Variants in EPHX3 observed in about 807,000 individuals in gnomAD.
EPHX3 encodes epoxide hydrolase 3.
A neutral mutation model predicts 40.2 loss-of-function variants in EPHX3; 39 were observed. The observed-to-expected ratio is 0.97, with a 90% CI of 0.75 to 1.27. EPHX3 has a LOEUF of 1.27. Among genes scored for constraint, EPHX3 ranks in the 50% most tolerant of loss-of-function variants. EPHX3 has a pLI of 0.00. For missense variants in EPHX3, 442 were observed against 474.0 expected (o/e 0.93, Z 0.63); for synonymous variants, 213 against 209.7 (o/e 1.02, Z -0.14).
Position 15,230,998 on chromosome 19 carries a change from C to G in EPHX3, c.580G>C (p.Val194Leu), listed in dbSNP as rs376715204. The G allele has an allele frequency of 2.5e-6, 4 of 1,613,970 alleles. No homozygotes were observed. The highest frequency in any genetic ancestry group is 3.4e-6 in the Non-Finnish European group (4 of 1,180,038). Residue 194 changes from valine to leucine, a missense_variant, in exon 4 of 7, where the codon GTT (valine) becomes CTT (leucine). Physicochemically the swap from Val to Leu is conservative, Grantham distance 32. Transcript: ENST00000221730. The stretch of plus-strand genomic sequence containing the variant: ...GACATGGGGGCACCACTGACCACAA[C>G]CATCCGCTCGACCAGGGATGGGTAG... ...IYYPSLVERM[V>L]VVSGAPMSVY...
At position 15,227,230 on chromosome 19, in the gene EPHX3, C is replaced by A; in HGVS notation, c.*207G>T. 1.7e-6 allele frequency: 1 copy of A among 587,312 alleles called. No homozygotes were observed. The highest frequency in any genetic ancestry group is 3.0e-6 in the Non-Finnish European group (1 of 328,834). 36.4% of individuals were successfully genotyped at this position (587,312 alleles called of 1,614,324 possible). ...TCAAAGTGTTTGTTACACACACATG[C>A]ATCCATGCCTGTGTGTGAGTATAGG... On this transcript the variant is annotated 3_prime_UTR_variant, in exon 7 of 7. Coordinates refer to ENST00000221730, the MANE Select transcript of EPHX3 (RefSeq NM_024794.3).
chr19:15,234,904 T>C (rs1452207881), upstream of EPHX3, among the ~76,000 whole-genome samples: 1 of 152,240 alleles, frequency 6.6e-6, no homozygotes, highest in African/African-American at 2.4e-5. Flanking sequence ...TATGATTACA[T>C]TGCCCATAGT....
chr19:15,228,917 G>C (rs970830507), intron 4 of EPHX3, among the ~76,000 whole-genome samples: 3 of 152,084 alleles, frequency 2.0e-5, no homozygotes, highest in Admixed American at 1.3e-4. Flanking sequence ...CTTGAGCCCA[G>C]GAGTCTGAGG....
chr19:15,227,949 C>T, intron 5 of EPHX3, 42 bp from the exon 6 acceptor site: 1 of 1,614,038 alleles, frequency 6.2e-7, no homozygotes, highest in African/African-American at 1.3e-5. Context: ...CCCAGCCTGC[C>T]CAGCCCCGAC....
rs771329246 is a variant in EPHX3 at position 15,227,611 on chromosome 19, C to G, written c.909G>C (p.Trp303Cys). The stretch of plus-strand genomic sequence containing the variant: ...GCTCCAAGTAAGTGTCCTTCTCCCC[C>G]CACAGCAGCAATGTGGGTGTGGTCA... ...QELTTPTLLL[W>C]GEKDTYLELG... The change falls in exon 7 of 7, where the codon TGG (tryptophan) becomes TGC (cysteine). Residue 303 changes from tryptophan (W) to cysteine (C), a missense_variant. By Grantham distance (215) the Trp-to-Cys change is radical. Transcript: ENST00000221730. The G allele has an allele frequency of 1.9e-6, 3 of 1,614,140 alleles. No individual in the cohort carries two copies. The highest frequency in any genetic ancestry group is 2.2e-5 in the East Asian group (1 of 44,870).
chr19:15,230,605 C>T (rs534923571), intron 4 of EPHX3, among the ~76,000 whole-genome samples: 132 of 152,218 alleles, frequency 8.7e-4, no homozygotes, highest in Non-Finnish European at 1.4e-3. Context: ...ATCAGCCTCC[C>T]GAGTAGCTGG....
rs549770216 is a variant in EPHX3 at position 15,228,112 on chromosome 19, G to C, written c.617-12C>G. 6.5e-7 allele frequency: 1 copy of C among 1,550,150 alleles called. No homozygotes were observed. The highest frequency in any genetic ancestry group is 1.1e-5 in the South Asian group (1 of 87,962). On this transcript the variant is annotated splice_polypyrimidine_tract_variant and intron_variant, in intron 4 of 6. Transcript: ENST00000221730. Reference sequence around the variant, plus strand: ...GTGCAGGGAATAGTCTGGGGTGGGAGGGTTGGGGGAGAGATATAAGGCCTG... The same window carrying C: ...GTGCAGGGAATAGTCTGGGGTGGGACGGTTGGGGGAGAGATATAAGGCCTG...
At chr19:15,227,724 C>T (rs377692365) in intron 6 of EPHX3, 47 bp downstream of exon 6, 3 of 1,610,206 alleles carry the variant, frequency 1.9e-6, no homozygotes, top group South Asian at 1.1e-5. Context: ...CTCCCACCCC[C>T]CTGCCCCTGC....
rs981265291 is a variant in EPHX3, at chr19:15,232,290, G to A, written c.-79C>T. ...GCGGCGAAGCGGTGTCAGGGCTCAG[G>A]GGCCCATCGCCCTTGGCCTGGGGCC... On this transcript the variant is annotated 5_prime_UTR_variant, in exon 1 of 7. Coordinates refer to ENST00000221730, the MANE Select transcript of EPHX3 (RefSeq NM_024794.3). 2.1e-6 allele frequency: 3 copies of A among 1,409,414 alleles called. No homozygotes were observed. The highest frequency in any genetic ancestry group is 3.4e-5 in the Admixed American group (1 of 29,588). The allele number at this position is 1,409,414 out of a possible 1,614,324, so 87.3% of individuals were successfully genotyped here. A position where few individuals can be genotyped will look rare whatever the true frequency, so the allele number is the denominator to read the frequency against.
rs1376108229 is a variant in EPHX3 at position 15,229,892 on chromosome 19, A to AAAAAAAAAAG, written c.616+1069_616+1070insCTTTTTTTTT. ...CAGAGCAAGACTCTGTCTCAAAAAA[A>AAAAAAAAAAG]AAAAAAAAAAAAAAAAAAAGAAAAG... is the stretch of plus-strand genomic sequence containing the variant. On this transcript the variant is annotated intron_variant, in intron 4 of 6. Coordinates refer to ENST00000221730, the MANE Select transcript of EPHX3 (RefSeq NM_024794.3). 5.3e-5 allele frequency among the ~76,000 whole-genome samples: 7 copies of AAAAAAAAAAG among 132,490 alleles called. 1 individual carries two copies. The East Asian group carries it at 1.4e-3, about 27-fold the overall frequency. The allele number at this position is 132,490 out of a possible 152,430, so 86.9% of individuals were successfully genotyped here. A position where few individuals can be genotyped will look rare whatever the true frequency, so the allele number is the denominator to read the frequency against.
chr19:15,232,466 G>A (rs1478765850), upstream of EPHX3: 9 of 1,321,816 alleles, frequency 6.8e-6, no homozygotes, highest in Non-Finnish European at 8.7e-6. Flanking sequence ...GGAGGCTGGG[G>A]AGGAAGAGGT....
chr19:15,227,151 A>G lies in EPHX3; in HGVS notation c.*286T>C. ...GCCCCAGGAAGGGAGGAGGTGGGACACTCGGTCTCGGCATCTGGCTCCACT... is the reference window on the plus strand; with the variant it reads ...GCCCCAGGAAGGGAGGAGGTGGGACGCTCGGTCTCGGCATCTGGCTCCACT... On this transcript the variant is annotated 3_prime_UTR_variant, in exon 7 of 7. Transcript: ENST00000221730. 4.6e-6 allele frequency: 2 copies of G among 433,720 alleles called. No homozygotes were observed. Among genetic ancestry groups the G allele is most frequent in the Non-Finnish European group, 8.4e-6 (2 of 237,324 alleles). 26.9% of individuals were successfully genotyped at this position (433,720 alleles called of 1,614,324 possible).
chr19:15,229,907 A>AAAAAAAAAAAAG, intron 4 of EPHX3, among the ~76,000 whole-genome samples: 1 of 140,184 alleles, frequency 7.1e-6, no homozygotes, highest in Non-Finnish European at 1.5e-5. Flanking sequence ...AAAAAAAAAA[A>AAAAAAAAAAAAG]AAAAGAAAAG....
intron 4 of EPHX3, among the ~76,000 whole-genome samples, chr19:15,229,978 T>C (rs957675107): frequency 6.7e-6 from 1 of 149,960 alleles, no homozygotes; most frequent in African/African-American, 2.5e-5. Context: ...ACCACAGTGC[T>C]GCATATTAAC....
At chr19:15,232,567 G>T, upstream of EPHX3, 1 of 549,412 alleles carries the variant, frequency 1.8e-6, no homozygotes, top group Non-Finnish European at 2.6e-6. Context: ...AGCAGCGGGT[G>T]GGTGAGGGTC....
At chr19:15,233,819 C>T (rs1761149665), upstream of EPHX3, among the ~76,000 whole-genome samples, 1 of 152,100 alleles carries the variant, frequency 6.6e-6, no homozygotes, top group Admixed American at 6.5e-5. Flanking sequence ...AATCCCAGCA[C>T]TTTGGGAGGC....
Position 15,232,102 on chromosome 19 carries a change from GCCGCGGCC to G in EPHX3, c.102_109del (p.Ala35GlyfsTer37). 1.3e-6 allele frequency: 2 copies of G among 1,515,406 alleles called. No individual in the cohort carries two copies. Among genetic ancestry groups the G allele is most frequent in the African/African-American group, 1.5e-5 (1 of 68,486 alleles). 93.9% of individuals were successfully genotyped at this position (1,515,406 alleles called of 1,614,324 possible). A position where few individuals can be genotyped will look rare whatever the true frequency, so the allele number is the denominator to read the frequency against. On this transcript the variant is annotated frameshift_variant, in exon 1 of 7. Transcript: ENST00000221730. LOFTEE classifies it high-confidence loss of function. Reference sequence around the variant, plus strand: ...CGTGAGCGCTATGCAGCCGTAGACCGCCGCGGCCACCAGCGCCACCGAGAACACCAGGC... The same window carrying G: ...CGTGAGCGCTATGCAGCCGTAGACCGACCAGCGCCACCGAGAACACCAGGC...
In EPHX3 at chr19:15,231,817, G is replaced by A. The variant is rs776672500; in HGVS notation, c.288C>T (p.Asn96=). ...CGTGCAGAAACAGCATGAGGGGTCC[G>A]TTACCTCGTCCAGCCGAGACATAGT... ...RLHYVSAGRG[N]GPLMLFLHGF... The change falls in exon 2 of 7, where the codon AAC becomes AAT. Residue 96 remains asparagine, a synonymous_variant. Coordinates refer to ENST00000221730, the MANE Select transcript of EPHX3 (RefSeq NM_024794.3). 5 of 1,613,784 alleles carry A rather than the reference G, an allele frequency of 3.1e-6. No individual in the cohort carries two copies. Among genetic ancestry groups the A allele is most frequent in the East Asian group, 4.5e-5 (2 of 44,882 alleles).
At chr19:15,234,301 C>G (rs929042395), upstream of EPHX3, among the ~76,000 whole-genome samples, 7 of 152,270 alleles carry the variant, frequency 4.6e-5, no homozygotes, top group Middle Eastern at 0.01. Context: ...AGGCAGCGAT[C>G]TGTGGCTACA....
Sources: gnomAD v4.1 joint callset for allele counts (sites outside exome capture counted in the v4.1 genomes callset) on GRCh38, gnomAD v4.1.1 for gene constraint, MANE v1.5 for transcripts, NCBI Gene and HGNC (gene_info 2026-07-23, HGNC 2026-07-21) for gene names.